NCOA1: variants seen among roughly 807,000 people sequenced by gnomAD.
NCOA1 encodes nuclear receptor coactivator 1, also known as Hin-2 protein.
NCOA1 carries 35 observed loss-of-function variants against 150.9 expected under a neutral mutation model. The ratio of observed to expected loss-of-function variants is 0.23; its 90% CI spans 0.18 to 0.31. The LOEUF is 0.31. NCOA1 is among the 10% of genes least tolerant of loss of function. The probability of loss-of-function intolerance (pLI) is 1.00; values close to 1 mark genes in which losing one functional copy is unlikely to be tolerated. For missense variants in NCOA1, 1,491 were observed against 1,749.3 expected (o/e 0.85, Z 2.63); for synonymous variants, 590 against 630.0 (o/e 0.94, Z 0.95).
intron 4 of NCOA1, among the ~76,000 whole-genome samples, chr2:24,652,261 T>C (rs1224364112): frequency 1.3e-5 from 2 of 152,076 alleles, no homozygotes; most frequent in Non-Finnish European, 2.9e-5. Flanking sequence ...AAGATTTTGG[T>C]TGTCATTGAA....
At chr2:24,630,728 CT>C (rs1486290124) in intron 3 of NCOA1, among the ~76,000 whole-genome samples, 2 of 152,044 alleles carry the variant, frequency 1.3e-5, no homozygotes, top group African/African-American at 4.8e-5. Flanking sequence ...GAAATGAGTT[CT>C]TTTCTGGAGA....
intron 4 of NCOA1, among the ~76,000 whole-genome samples, chr2:24,650,714 C>A (rs1041679091): frequency 6.6e-6 from 1 of 152,116 alleles, no homozygotes; most frequent in African/African-American, 2.4e-5. Flanking sequence ...ATGAAAGTTG[C>A]TCAACATCAT....
intron 19 of NCOA1, among the ~76,000 whole-genome samples, chr2:24,745,419 C>T (rs888939629): frequency 1.3e-5 from 2 of 152,090 alleles, no homozygotes; most frequent in Non-Finnish European, 2.9e-5. Context: ...ACCTCGGCCT[C>T]CCAAAGTGCT....
In NCOA1 at chr2:24,629,844, A is replaced by G. The variant is rs1207655917; in HGVS notation, c.-174-14122A>G. On this transcript the variant is annotated intron_variant, in intron 3 of 22. Transcript: ENST00000348332. ...TATATATATATATATATATATATAT[A>G]TATGTATTTTTTTTTTTGAGATGGA... Among the ~76,000 whole-genome samples the G allele has an allele frequency of 2.3e-3, 308 of 136,072 alleles. 6 individuals carry two copies. In the East Asian group the frequency reaches 0.04, roughly 18 times the overall value. The allele number at this position is 136,072 out of a possible 152,430, so 89.3% of individuals were successfully genotyped here. A position where few individuals can be genotyped will look rare whatever the true frequency, so the allele number is the denominator to read the frequency against.
chr2:24,512,236 CA>C (rs1257114288), intron 1 of NCOA1, among the ~76,000 whole-genome samples: 1 of 152,092 alleles, frequency 6.6e-6, no homozygotes, highest in Non-Finnish European at 1.5e-5. Flanking sequence ...TACTATAATA[CA>C]ATAGTTATAT....
At chr2:24,643,670 A>G (rs1212875262) in intron 3 of NCOA1, among the ~76,000 whole-genome samples, 1 of 152,216 alleles carries the variant, frequency 6.6e-6, no homozygotes, top group East Asian at 1.9e-4. Flanking sequence ...ATACAAATGC[A>G]GCCAGAAACA....
intron 1 of NCOA1, among the ~76,000 whole-genome samples, chr2:24,499,065 T>C (rs905870417): frequency 2.0e-5 from 3 of 152,180 alleles, no homozygotes; most frequent in Admixed American, 6.5e-5. Flanking sequence ...CTACATGTGA[T>C]ATGAGATATG....
At chr2:24,722,715 C>A (rs909010212) in intron 14 of NCOA1, among the ~76,000 whole-genome samples, 24 of 151,650 alleles carry the variant, frequency 1.6e-4, no homozygotes, top group African/African-American at 5.8e-4. Flanking sequence ...CACAGTAAAT[C>A]AAAAATATTG....
At chr2:24,710,794 T>G in intron 13 of NCOA1, 137 bp from the exon 14 acceptor site, 1 of 814,248 alleles carries the variant, frequency 1.2e-6, no homozygotes, top group Non-Finnish European at 1.9e-6. Context: ...GCCCCAATCA[T>G]TCTAATTATT....
intron 17 of NCOA1, among the ~76,000 whole-genome samples, chr2:24,730,967 G>A (rs1437618441): frequency 2.7e-5 from 4 of 150,640 alleles, no homozygotes; most frequent in Non-Finnish European, 5.9e-5. Context: ...GAACCCGGGA[G>A]GTGGAGGTTG....
At chr2:24,601,021 T>A (rs1335444445) in intron 3 of NCOA1, among the ~76,000 whole-genome samples, 1 of 152,158 alleles carries the variant, frequency 6.6e-6, no homozygotes, top group Non-Finnish European at 1.5e-5. Flanking sequence ...GTGTAAAGAT[T>A]TGTCACATAA....
chr2:24,530,167 G>A (rs1179269176), intron 1 of NCOA1, among the ~76,000 whole-genome samples: 1 of 152,172 alleles, frequency 6.6e-6, no homozygotes, highest in Non-Finnish European at 1.5e-5. Context: ...CAGAATATCT[G>A]AAAGAGTGTT....
chr2:24,621,529 C>T (rs1327775646), intron 3 of NCOA1, among the ~76,000 whole-genome samples: 6 of 132,800 alleles, frequency 4.5e-5, no homozygotes, highest in Non-Finnish European at 7.7e-5. Context: ...TGCAATGGTG[C>T]GATCTCAGCT....
chr2:24,680,737 A>C (rs183159322), intron 7 of NCOA1, among the ~76,000 whole-genome samples: 2 of 152,234 alleles, frequency 1.3e-5, no homozygotes, highest in African/African-American at 4.8e-5. Context: ...TTTCACCACA[A>C]AAAAAATGAT....
intron 3 of NCOA1, among the ~76,000 whole-genome samples, chr2:24,630,850 A>G (rs528743208): frequency 7.7e-4 from 118 of 152,350 alleles, no homozygotes; most frequent in Non-Finnish European, 1.4e-3. Context: ...TATTAGAAAA[A>G]GCAAACAACT....
intron 6 of NCOA1, among the ~76,000 whole-genome samples, chr2:24,668,468 T>G (rs1671532853): frequency 6.6e-6 from 1 of 151,004 alleles, no homozygotes; most frequent in African/African-American, 2.4e-5. Context: ...TCAGAATAGG[T>G]TCAGATTTCT....
chr2:24,585,475 A>G (rs1334318979), intron 3 of NCOA1, among the ~76,000 whole-genome samples: 1 of 152,024 alleles, frequency 6.6e-6, no homozygotes, highest in African/African-American at 2.4e-5. Context: ...ATACATCTCA[A>G]TGAATGCAGA....
intron 1 of NCOA1, among the ~76,000 whole-genome samples, 78 bp downstream of exon 1, chr2:24,491,680 G>C (rs1162715733): frequency 6.6e-6 from 1 of 151,134 alleles, no homozygotes; most frequent in African/African-American, 2.4e-5. Context: ...AGGCCCTAGG[G>C]GGCGGGGAGC....
intron 21 of NCOA1, among the ~76,000 whole-genome samples, chr2:24,760,370 G>A (rs1477373269): frequency 6.8e-6 from 1 of 147,944 alleles, no homozygotes; most frequent in South Asian, 2.1e-4. Context: ...TGTTAGCCAG[G>A]ATGGTCTCAA....
Sources: gnomAD v4.1 joint callset for allele counts (sites outside exome capture counted in the v4.1 genomes callset) on GRCh38, gnomAD v4.1.1 for gene constraint, MANE v1.5 for transcripts, NCBI Gene and HGNC (gene_info 2026-07-23, HGNC 2026-07-21) for gene names.